The following PLXNB1 variants were observed in gnomAD, a reference collection of about 807,000 sequenced individuals.
PLXNB1 encodes plexin-B1.
In PLXNB1, 106 loss-of-function variants were observed where a neutral mutation model predicts 209.4. The ratio of observed to expected loss-of-function variants is 0.51; its 90% CI spans 0.43 to 0.59. The LOEUF (loss-of-function observed/expected upper bound fraction) is 0.59. Among genes scored for constraint, PLXNB1 ranks in the 20% least tolerant of loss-of-function variants. PLXNB1 has a pLI of 0.00. For missense variants in PLXNB1, 2,357 were observed against 2,853.2 expected (o/e 0.83, Z 3.96); for synonymous variants, 1,167 against 1,183.2 (o/e 0.99, Z 0.28).
chr3:48,429,508 C>G lies in PLXNB1; in HGVS notation c.-60+500G>C, dbSNP rs983917248. On this transcript the variant is annotated intron_variant, in intron 1 of 37. Coordinates refer to ENST00000296440, the MANE Select transcript of PLXNB1 (RefSeq NM_001130082.3). The surrounding 1 kb of genome is among the most constrained non-coding windows in gnomAD (Gnocchi z 6.4). ...CTCGCCTGCCGGGCTGCCCTCCCCC[C>G]GCCCGCCGCCCGGGCCAGGCCGGAA... is the stretch of plus-strand genomic sequence containing the variant. 6.6e-6 allele frequency: 1 copy of G among 151,634 alleles called. No homozygotes were observed. The highest frequency in any genetic ancestry group is 2.1e-4 in the South Asian group (1 of 4,830). 9.4% of individuals were successfully genotyped at this position (151,634 alleles called of 1,614,324 possible).
chr3:48,407,208 C>A, intron 34 of PLXNB1, 117 bp from the exon 35 acceptor site: 1 of 935,128 alleles, frequency 1.1e-6, no homozygotes, highest in Non-Finnish European at 1.7e-6. Context: ...GGAAAAGTCT[C>A]ACATCCCAGG....
At chr3:48,423,310 G>A (rs2038654780) in intron 3 of PLXNB1, among the ~76,000 whole-genome samples, 195 bp downstream of exon 3, 1 of 151,914 alleles carries the variant, frequency 6.6e-6, no homozygotes, top group Non-Finnish European at 1.5e-5. Flanking sequence ...AGACACTGCT[G>A]CCACCCGCAT....
In PLXNB1 at chr3:48,422,882, C is replaced by G. The variant is rs756011078; in HGVS notation, c.1173G>C (p.Pro391=). 11 of 1,614,128 alleles carry G rather than the reference C, an allele frequency of 6.8e-6. No individual in the cohort carries two copies. In the South Asian group the frequency reaches 9.9e-5, roughly 14 times the overall value. Reference sequence around the variant, plus strand: ...ACTCCAGAATTGGTGTGGCTTCCAGCGGGACCCGGCTGGCCATGGGGCTGG... The same window carrying G: ...ACTCCAGAATTGGTGTGGCTTCCAGGGGGACCCGGCTGGCCATGGGGCTGG... ...HTPSPMASRV[P]LEATPILEWP... is the part of the protein sequence containing the mutation. The change falls in exon 4 of 38, where the codon CCG becomes CCC. Residue 391 remains proline (P), a synonymous_variant. Coordinates refer to ENST00000296440, the MANE Select transcript of PLXNB1 (RefSeq NM_001130082.3).
chr3:48,406,897 A>G lies in PLXNB1; in HGVS notation c.6154T>C (p.Tyr2052His). The change falls in exon 36 of 38, where the codon TAC becomes CAC. Residue 2052 changes from tyrosine to histidine, a missense_variant and splice_region_variant. Tyr to His is a moderately conservative substitution (Grantham distance 83). Transcript: ENST00000296440. This position sits in a 1 kb window ranked among gnomAD's most constrained non-coding sequence, Gnocchi z 4.4. ...ACAGTCTGTCTGATGTCTGCATAGT[A>G]CCTGCCAGAGAGCCAGGGCACAGCA... ...IPRYKRMVER[Y>H]YADIRQTVPA... 6.2e-7 allele frequency: 1 copy of G among 1,613,114 alleles called. No homozygotes were observed. Among genetic ancestry groups the G allele is most frequent in the East Asian group, 2.2e-5 (1 of 44,854 alleles).
Position 48,405,628 on chromosome 3 carries a change from A to C in PLXNB1, c.6303+96T>G. On this transcript the variant is annotated intron_variant, in intron 37 of 37. Coordinates refer to ENST00000296440, the MANE Select transcript of PLXNB1 (RefSeq NM_001130082.3). This position sits in a 1 kb window ranked among gnomAD's most constrained non-coding sequence, Gnocchi z 5.0. Reference sequence around the variant, plus strand: ...CCCCACTACTCTGTCCCTGGGGAAGACCAAAGCCCCCAACGTGAGTCACAG... The same window carrying C: ...CCCCACTACTCTGTCCCTGGGGAAGCCCAAAGCCCCCAACGTGAGTCACAG... 1 of 970,374 alleles carries C rather than the reference A, an allele frequency of 1.0e-6. No individual in the cohort carries two copies. The highest frequency in any genetic ancestry group is 1.6e-6 in the Non-Finnish European group (1 of 629,860). 60.1% of individuals were successfully genotyped at this position (970,374 alleles called of 1,614,324 possible).
chr3:48,412,297 T>C lies in PLXNB1; in HGVS notation c.5041A>G (p.Thr1681Ala). 6.2e-7 allele frequency: 1 copy of C among 1,614,032 alleles called. No homozygotes were observed. The highest frequency in any genetic ancestry group is 1.1e-5 in the South Asian group (1 of 91,074). ...NPKLMLRRTE[T>A]VVEKLLTNWM... Reference sequence around the variant, plus strand: ...TTGGTGAGCAGCTTCTCCACCACAGTCTCTGTCCTGAGATGATGGGAAAGG... The same window carrying C: ...TTGGTGAGCAGCTTCTCCACCACAGCCTCTGTCCTGAGATGATGGGAAAGG... The change falls in exon 27 of 38, where the codon ACT (threonine) becomes GCT (alanine). Residue 1681 changes from threonine (T) to alanine (A), a missense_variant. Physicochemically the swap from Thr to Ala is moderately conservative, Grantham distance 58. Around this residue, in one of 7 missense-constraint regions of PLXNB1, gnomAD observed 65 missense variants for 127.6 expected, o/e 0.51. Coordinates refer to ENST00000296440, the MANE Select transcript of PLXNB1 (RefSeq NM_001130082.3).
At chr3:48,414,767 G>T (rs555645047) in intron 21 of PLXNB1, 32 bp downstream of exon 21, 1 of 1,604,056 alleles carries the variant, frequency 6.2e-7, no homozygotes, top group African/African-American at 1.3e-5. Context: ...GAAGGGTCTC[G>T]GGGCCCTGCC....
At chr3:48,407,172 T>A in intron 34 of PLXNB1, 81 bp from the exon 35 acceptor site, 1 of 1,277,560 alleles carries the variant, frequency 7.8e-7, no homozygotes, top group Non-Finnish European at 1.1e-6. Context: ...GTCCTGGGTT[T>A]CCCAGTACTG....
In PLXNB1 at chr3:48,404,604, C is replaced by T. The variant is rs894207307; in HGVS notation, c.6304-14G>A. On this transcript the variant is annotated splice_polypyrimidine_tract_variant and intron_variant, in intron 37 of 37. Transcript: ENST00000296440. ...GGCAGTGATGATCTGAAACAGAGAC[C>T]AATGCCATCAGGGGAGACTTCTTTG... 1 of 1,572,534 alleles carries T rather than the reference C, an allele frequency of 6.4e-7. No individual in the cohort carries two copies. Among genetic ancestry groups the T allele is most frequent in the African/African-American group, 1.4e-5 (1 of 73,896 alleles).
At position 48,409,562 on chromosome 3, in the gene PLXNB1, C is replaced by A; in HGVS notation, c.5939+9G>T. On this transcript the variant is annotated intron_variant, in intron 33 of 37. Coordinates refer to ENST00000296440, the MANE Select transcript of PLXNB1 (RefSeq NM_001130082.3). The surrounding 1 kb of genome is among the most constrained non-coding windows in gnomAD (Gnocchi z 5.8). ...ACACACACCTAGAGCCCACCCAGCT[C>A]CACCCCACCTGTTGGTCTTCCAGAT... The A allele has an allele frequency of 6.2e-7, 1 of 1,613,704 alleles. No individual in the cohort carries two copies. The highest frequency in any genetic ancestry group is 1.1e-5 in the South Asian group (1 of 91,050).
Position 48,410,547 on chromosome 3 carries a change from C to T in PLXNB1, c.5428G>A (p.Gly1810Arg). 6.2e-7 allele frequency: 1 copy of T among 1,613,270 alleles called. No individual in the cohort carries two copies. Among genetic ancestry groups the T allele is most frequent in the Non-Finnish European group, 8.5e-7 (1 of 1,179,870 alleles). Reference protein sequence around the residue: ...PRTLDVEWRSGVAGHLILSDE... With the variant: ...PRTLDVEWRSRVAGHLILSDE... ...GAAAGAATGAGGTGCCCGGCCACCC[C>T]AGACCGCCACTCTGCAAGGGCAAGG... is the stretch of plus-strand genomic sequence containing the variant. Residue 1810 changes from glycine to arginine, a missense_variant, in exon 30 of 38, where the codon GGG becomes AGG. Physicochemically the swap from Gly to Arg is moderately radical, Grantham distance 125 (BLOSUM62 -2). This residue lies in a region of PLXNB1 where 414 missense variants were observed against 520.5 expected (regional missense o/e 0.80). Coordinates refer to ENST00000296440, the MANE Select transcript of PLXNB1 (RefSeq NM_001130082.3). The surrounding 1 kb of genome is among the most constrained non-coding windows in gnomAD (Gnocchi z 6.4).
In PLXNB1 at chr3:48,419,361, C is replaced by T; in HGVS notation, c.2715G>A (p.Glu905=). 6.4e-7 allele frequency: 1 copy of T among 1,561,410 alleles called. No individual in the cohort carries two copies. Among genetic ancestry groups the T allele is most frequent in the South Asian group, 1.2e-5 (1 of 84,816 alleles). The change falls in exon 12 of 38, where the codon GAG becomes GAA. Residue 905 remains glutamate (E), a synonymous_variant. Transcript: ENST00000296440. This position sits in a 1 kb window ranked among gnomAD's most constrained non-coding sequence, Gnocchi z 5.7. ...GGCAGGAGCTTGCCCCCAAGGTCGC[C>T]TCTTCCTGCAGGCACCAAGGGCAAG... is the stretch of plus-strand genomic sequence containing the variant. The part of the protein sequence containing the change: ...YDTPGLWELE[E]ATLGASSCPC...
In PLXNB1 at chr3:48,424,554, G is replaced by T. The variant is rs773685600; in HGVS notation, c.58C>A (p.Leu20Ile). The T allele has an allele frequency of 6.4e-6, 10 of 1,567,044 alleles. No individual in the cohort carries two copies. The South Asian group carries it at 1.2e-4, about 18-fold the overall frequency. The change falls in exon 3 of 38, where the codon CTC (leucine) becomes ATC (isoleucine). Residue 20 changes from leucine (L) to isoleucine (I), a missense_variant. Around this residue, in one of 7 missense-constraint regions of PLXNB1, gnomAD observed 107 missense variants for 167.2 expected, o/e 0.64. Coordinates refer to ENST00000296440, the MANE Select transcript of PLXNB1 (RefSeq NM_001130082.3). ...AATGCAGTTGGTGGAAGGGGCTGGA[G>T]GGTGAGGACCCACCCGGCCCAGAGA... ...QALWAGWVLT[L>I]QPLPPTAFTP...
Position 48,405,843 on chromosome 3 carries a change from G to C in PLXNB1, c.6229-45C>G. 1 of 1,533,930 alleles carries C rather than the reference G, an allele frequency of 6.5e-7. No individual in the cohort carries two copies. The highest frequency in any genetic ancestry group is 9.0e-7 in the Non-Finnish European group (1 of 1,111,008). On this transcript the variant is annotated intron_variant, in intron 36 of 37. Transcript: ENST00000296440. The surrounding 1 kb of genome is among the most constrained non-coding windows in gnomAD (Gnocchi z 5.0). ...AAAGGTGAGAGAGACGAGGGGTGCA[G>C]AGAGCCACAGGAGGCAGCCCAGGAC...
upstream of PLXNB1, among the ~76,000 whole-genome samples, chr3:48,430,272 C>G (rs1336016276): frequency 2.0e-5 from 3 of 152,234 alleles, no homozygotes; most frequent in Admixed American, 2.0e-4. Flanking sequence ...GGCAGGGAAC[C>G]TGGGCTGCAG....
Position 48,423,496 on chromosome 3 carries a change from G to A in PLXNB1, c.1107+9C>T, listed in dbSNP as rs759563691. On this transcript the variant is annotated intron_variant, in intron 3 of 37. Coordinates refer to ENST00000296440, the MANE Select transcript of PLXNB1 (RefSeq NM_001130082.3). ...AGAGGCGGAAAAGTGGGGCAATACT[G>A]GAACTCACCACTGGCAGCTGTGCAC... The A allele has an allele frequency of 6.2e-7, 1 of 1,608,056 alleles. No homozygotes were observed. The highest frequency in any genetic ancestry group is 1.1e-5 in the South Asian group (1 of 90,738).
In PLXNB1 at chr3:48,420,125, C is replaced by A. The variant is rs542240925; in HGVS notation, c.2161G>T (p.Ala721Ser). The A allele has an allele frequency of 6.6e-7, 1 of 1,523,696 alleles. No individual in the cohort carries two copies. The highest frequency in any genetic ancestry group is 8.9e-7 in the Non-Finnish European group (1 of 1,124,892). The allele number at this position is 1,523,696 out of a possible 1,614,324, so 94.4% of individuals were successfully genotyped here. The change falls in exon 11 of 38, where the codon GCT (alanine) becomes TCT (serine). Residue 721 changes from alanine (A) to serine (S), a missense_variant. Ala to Ser is a moderately conservative substitution (Grantham distance 99). Around this residue, in one of 7 missense-constraint regions of PLXNB1, gnomAD observed 410 missense variants for 401.0 expected, o/e 1.02. Coordinates refer to ENST00000296440, the MANE Select transcript of PLXNB1 (RefSeq NM_001130082.3). ...VEPGAPSTAT[A>S]SDISPGASPS... ...CTAGCCCCAGGTGAGATGTCCGAAG[C>A]TGTGGCTGTGGAGGGAGCCCCAGGC...
Position 48,406,625 on chromosome 3 carries a change from T to C in PLXNB1, c.6228+198A>G. 7.1e-7 allele frequency: 1 copy of C among 1,409,384 alleles called. No homozygotes were observed. The highest frequency in any genetic ancestry group is 9.2e-7 in the Non-Finnish European group (1 of 1,084,318). The allele number at this position is 1,409,384 out of a possible 1,614,324, so 87.3% of individuals were successfully genotyped here. A position where few individuals can be genotyped will look rare whatever the true frequency, so the allele number is the denominator to read the frequency against. ...GCAGCTGCCAGGACAAGACCCCTGCTTGCTCTGTGATGAGATGGTGGGAGC... is the reference window on the plus strand; with the variant it reads ...GCAGCTGCCAGGACAAGACCCCTGCCTGCTCTGTGATGAGATGGTGGGAGC... On this transcript the variant is annotated intron_variant, in intron 36 of 37. Transcript: ENST00000296440. The surrounding 1 kb of genome is among the most constrained non-coding windows in gnomAD (Gnocchi z 4.4).
At chr3:48,422,981 C>G (rs757326507) in intron 3 of PLXNB1, 34 bp from the exon 4 acceptor site, 4 of 1,587,020 alleles carry the variant, frequency 2.5e-6, no homozygotes, top group Non-Finnish European at 2.6e-6. Flanking sequence ...GAAGGCCCTC[C>G]CTGGATAACC....
Sources: gnomAD v4.1 joint callset for allele counts (sites outside exome capture counted in the v4.1 genomes callset) on GRCh38, gnomAD v4.1.1 for gene constraint, gnomAD v4.1.1 regional missense constraint, Gnocchi (gnomAD v3.1) non-coding constraint, MANE v1.5 for transcripts, NCBI Gene and HGNC (gene_info 2026-07-23, HGNC 2026-07-21) for gene names.